Variants in MIR2052HG observed in about 807,000 individuals in gnomAD.
MIR2052HG encodes MIR2052 host gene.
Position 74,673,906 on chromosome 8 carries a change from T to TATATATAC in MIR2052HG, n.217-28468_217-28467insTACATATA, listed in dbSNP as rs796668051. 3.5e-3 allele frequency among the ~76,000 whole-genome samples: 478 copies of TATATATAC among 138,294 alleles called. 4 individuals are homozygous for TATATATAC. The highest frequency in any genetic ancestry group is 0.011 in the South Asian group (49 of 4,572). The allele number at this position is 138,294 out of a possible 152,430, so 90.7% of individuals were successfully genotyped here. Reference sequence around the variant, plus strand: ...TTTTTTGTATATATATATATATATATATATACACACACAAAATATCTATCT... The same window carrying TATATATAC: ...TTTTTTGTATATATATATATATATATATATATACATATACACACACAAAATATCTATCT... On this transcript the variant is annotated intron_variant and non_coding_transcript_variant, in intron 2 of 6. Transcript: ENST00000523442.
At chr8:74,623,567 T>C (rs571967762) in intron 2 of MIR2052HG, among the ~76,000 whole-genome samples, 11 of 152,352 alleles carry the variant, frequency 7.2e-5, no homozygotes, top group Non-Finnish European at 1.5e-4. Context: ...ATGTCATTAT[T>C]AAAAAGGTCT....
chr8:74,724,721 T>C (rs61170690), intron 4 of MIR2052HG, among the ~76,000 whole-genome samples: 24 of 152,368 alleles, frequency 1.6e-4, no homozygotes, highest in African/African-American at 5.8e-4. Context: ...TTTCTGCCTT[T>C]GTGAGTTCTT....
chr8:74,661,463 A>G (rs1184425313), intron 2 of MIR2052HG, among the ~76,000 whole-genome samples: 5 of 152,114 alleles, frequency 3.3e-5, no homozygotes, highest in Non-Finnish European at 7.4e-5. Flanking sequence ...AGTCTCCCAC[A>G]GTGCTGGGAT....
chr8:74,654,830 A>G (rs1808788109), intron 2 of MIR2052HG, among the ~76,000 whole-genome samples: 1 of 152,182 alleles, frequency 6.6e-6, no homozygotes, highest in South Asian at 2.1e-4. Context: ...CAGAGGTTGA[A>G]CAGTTTGGAG....
rs191356346 is a variant in MIR2052HG, at chr8:74,613,515, C to T, written n.216+575C>T. 2.7e-4 allele frequency among the ~76,000 whole-genome samples: 41 copies of T among 152,182 alleles called. 1 individual carries two copies. The highest frequency in any genetic ancestry group is 3.7e-4 in the Non-Finnish European group (25 of 68,012). On this transcript the variant is annotated intron_variant and non_coding_transcript_variant, in intron 2 of 6. Coordinates refer to ENST00000523442, the Ensembl canonical transcript of MIR2052HG. ...TTTTTTTTCACCCGAGACAGAGTCT[C>T]GCTGTGTCACCAAGGCTGGGGTACA...
intron 2 of MIR2052HG, among the ~76,000 whole-genome samples, chr8:74,626,233 C>A (rs1808435063): frequency 6.6e-6 from 1 of 152,204 alleles, no homozygotes; most frequent in African/African-American, 2.4e-5. Context: ...CTCTTTAGAG[C>A]CACTTCTCCT....
chr8:74,750,244 A>G (rs891678407), intron 4 of MIR2052HG, among the ~76,000 whole-genome samples: 5 of 152,234 alleles, frequency 3.3e-5, no homozygotes, highest in Non-Finnish European at 5.9e-5. Context: ...AAGATATTAA[A>G]CATCTAAGTG....
At chr8:74,739,791 A>G (rs1232565765) in intron 4 of MIR2052HG, among the ~76,000 whole-genome samples, 1 of 152,112 alleles carries the variant, frequency 6.6e-6, no homozygotes, top group East Asian at 1.9e-4. Flanking sequence ...TATTTTTTTA[A>G]AAATCCAAAA....
chr8:74,645,179 T>C (rs938245768), intron 2 of MIR2052HG, among the ~76,000 whole-genome samples: 1 of 152,122 alleles, frequency 6.6e-6, no homozygotes, highest in African/African-American at 2.4e-5. Flanking sequence ...CAAAGTATAG[T>C]CATAAACTTA....
intron 4 of MIR2052HG, among the ~76,000 whole-genome samples, chr8:74,748,081 T>C (rs181797219): frequency 2.6e-5 from 4 of 152,350 alleles, no homozygotes; most frequent in East Asian, 1.9e-4. Flanking sequence ...GTTTCTGTTA[T>C]GAATTTTATG....
chr8:74,666,208 C>CT (rs376981130), intron 2 of MIR2052HG, among the ~76,000 whole-genome samples: 6 of 151,666 alleles, frequency 4.0e-5, no homozygotes, highest in Non-Finnish European at 8.8e-5. Flanking sequence ...CTGGTTACCT[C>CT]TTTTTTTTTC....
intron 4 of MIR2052HG, among the ~76,000 whole-genome samples, chr8:74,713,706 A>AT (rs111780780): frequency 0.021 from 3,161 of 152,172 alleles, 89 homozygotes; most frequent in African/African-American, 0.07. Context: ...ATGAGGACAG[A>AT]TTTTTTTGGT....
intron 1 of MIR2052HG, among the ~76,000 whole-genome samples, chr8:74,602,868 TC>T: frequency 6.7e-6 from 1 of 148,798 alleles, no homozygotes; most frequent in African/African-American, 2.5e-5. Context: ...TTTCTTTCTT[TC>T]TTTCTTTTTT....
chr8:74,608,583 A>G (rs1808146880), intron 1 of MIR2052HG, among the ~76,000 whole-genome samples: 1 of 152,200 alleles, frequency 6.6e-6, no homozygotes, highest in African/African-American at 2.4e-5. Context: ...GATAGACCAT[A>G]TTCTGAATCA....
intron 2 of MIR2052HG, among the ~76,000 whole-genome samples, chr8:74,695,154 A>G (rs1029626469): frequency 6.6e-6 from 1 of 152,212 alleles, no homozygotes; most frequent in Non-Finnish European, 1.5e-5. Flanking sequence ...CCCTATCTTT[A>G]GCTTCCTTAA....
chr8:74,608,899 C>A, intron 1 of MIR2052HG, among the ~76,000 whole-genome samples: 1 of 151,644 alleles, frequency 6.6e-6, no homozygotes, highest in East Asian at 1.9e-4. Flanking sequence ...TAAGAAAAAA[C>A]AAAATAAAAT....
chr8:74,757,745 A>T (rs959270837), intron 5 of MIR2052HG: 1 of 152,152 alleles, frequency 6.6e-6, no homozygotes, highest in Non-Finnish European at 1.5e-5. Flanking sequence ...CATATTAAAG[A>T]GTCCTTCATT....
intron 2 of MIR2052HG, among the ~76,000 whole-genome samples, chr8:74,696,254 TA>T (rs1809294936): frequency 2.0e-5 from 3 of 151,900 alleles, no homozygotes; most frequent in African/African-American, 7.3e-5. Flanking sequence ...AGATCAAAAT[TA>T]AAAAATTATT....
At chr8:74,600,476 G>A (rs185378623) in intron 1 of MIR2052HG, among the ~76,000 whole-genome samples, 8 of 150,930 alleles carry the variant, frequency 5.3e-5, no homozygotes, top group African/African-American at 1.7e-4. Context: ...CCAGCTACTC[G>A]GAGGCTGAGG....
Sources: gnomAD v4.1 joint callset for allele counts (sites outside exome capture counted in the v4.1 genomes callset) on GRCh38, gnomAD v4.1.1 for gene constraint, MANE v1.5 for transcripts, NCBI Gene and HGNC (gene_info 2026-07-23, HGNC 2026-07-21) for gene names.